The following SORCS2 variants were observed in gnomAD, a reference collection of about 807,000 sequenced individuals.
SORCS2 encodes VPS10 domain-containing receptor SorCS2.
In SORCS2, 100 loss-of-function variants were observed where a neutral mutation model predicts 141.6. The observed-to-expected ratio is 0.71, with a 90% CI of 0.60 to 0.83. The LOEUF is 0.83. Ranked by LOEUF, SORCS2 falls within the 40% of genes least tolerant of loss-of-function variation. The pLI, the probability that SORCS2 is intolerant of heterozygous loss-of-function variation, is 0.00. For missense variants in SORCS2, 1,646 were observed against 1,560.2 expected (o/e 1.05, Z -0.93); for synonymous variants, 789 against 676.9 (o/e 1.17, Z -2.57).
intron 1 of SORCS2, among the ~76,000 whole-genome samples, chr4:7,200,815 C>T (rs1727445028): frequency 6.6e-6 from 1 of 152,182 alleles, no homozygotes; most frequent in African/African-American, 2.4e-5. Context: ...TGGGGCCACA[C>T]ACTCCATGGA....
chr4:7,484,146 T>C (rs1730829555), intron 2 of SORCS2, among the ~76,000 whole-genome samples: 1 of 152,210 alleles, frequency 6.6e-6, no homozygotes, highest in African/African-American at 2.4e-5. Context: ...AGCTTAAAGT[T>C]ATCCATCCCA....
intron 18 of SORCS2, among the ~76,000 whole-genome samples, chr4:7,721,266 A>G (rs543116640): frequency 6.6e-6 from 1 of 152,278 alleles, no homozygotes; most frequent in African/African-American, 2.4e-5. Context: ...GGAGTTCGAG[A>G]CCAGCCTGGC....
intron 1 of SORCS2, among the ~76,000 whole-genome samples, chr4:7,350,071 T>C (rs1720850304): frequency 6.6e-6 from 1 of 152,234 alleles, no homozygotes; most frequent in African/African-American, 2.4e-5. Flanking sequence ...TGTCCAATGC[T>C]AGCCAAAGTC....
At chr4:7,594,007 T>C (rs1015282540) in intron 3 of SORCS2, among the ~76,000 whole-genome samples, 2 of 152,224 alleles carry the variant, frequency 1.3e-5, no homozygotes, top group East Asian at 1.9e-4. Flanking sequence ...AGTTAGTTCA[T>C]TTATTGAGCC....
Position 7,531,646 on chromosome 4 carries a change from G to A in SORCS2, c.648+17G>A. ...AAGAGGAAGGTAGGTGCTGGCTGGGGGTGGCCGCCACTCTGGCTCTCGCCT... is the reference window on the plus strand; with the variant it reads ...AAGAGGAAGGTAGGTGCTGGCTGGGAGTGGCCGCCACTCTGGCTCTCGCCT... On this transcript the variant is annotated intron_variant, in intron 3 of 26. Coordinates refer to ENST00000507866, the MANE Select transcript of SORCS2 (RefSeq NM_020777.3). 1 of 1,608,360 alleles carries A rather than the reference G, an allele frequency of 6.2e-7. No individual in the cohort carries two copies. The highest frequency in any genetic ancestry group is 8.5e-7 in the Non-Finnish European group (1 of 1,176,450).
intron 2 of SORCS2, among the ~76,000 whole-genome samples, chr4:7,402,902 T>C (rs138994026): frequency 1.1e-3 from 169 of 152,156 alleles, no homozygotes; most frequent in South Asian, 6.3e-3. Flanking sequence ...TCTTTTTACA[T>C]TGGGTTGCTT....
chr4:7,259,271 A>G (rs1471633629), intron 1 of SORCS2, among the ~76,000 whole-genome samples: 2 of 152,182 alleles, frequency 1.3e-5, no homozygotes, highest in Non-Finnish European at 2.9e-5. Flanking sequence ...AAGTGATGCA[A>G]TCATCCTCAT....
chr4:7,211,961 C>A (rs1728085373), intron 1 of SORCS2, among the ~76,000 whole-genome samples: 2 of 152,194 alleles, frequency 1.3e-5, no homozygotes, highest in Non-Finnish European at 1.5e-5. Flanking sequence ...GTGTCTGTTT[C>A]TGCATAATTC....
intron 1 of SORCS2, among the ~76,000 whole-genome samples, chr4:7,211,876 C>T (rs1448806896): frequency 1.3e-5 from 2 of 152,208 alleles, no homozygotes; most frequent in East Asian, 3.9e-4. Flanking sequence ...ATCCCTTTTA[C>T]TCTCTCCCCA....
intron 1 of SORCS2, among the ~76,000 whole-genome samples, chr4:7,267,369 A>G (rs1468986289): frequency 1.3e-5 from 2 of 152,194 alleles, no homozygotes; most frequent in Non-Finnish European, 2.9e-5. Context: ...GTGGTAGAGT[A>G]AGGACTTGCC....
intron 3 of SORCS2, among the ~76,000 whole-genome samples, chr4:7,595,297 T>A (rs1366304617): frequency 6.6e-6 from 1 of 152,134 alleles, no homozygotes; most frequent in Non-Finnish European, 1.5e-5. Flanking sequence ...TCGAAGCACA[T>A]CTGTGTTCAC....
rs1724822606 is a variant in SORCS2, at chr4:7,404,269, A to G, written c.548+7914A>G. On this transcript the variant is annotated intron_variant, in intron 2 of 26. Coordinates refer to ENST00000507866, the MANE Select transcript of SORCS2 (RefSeq NM_020777.3). ...ATTGATAGACACTTGAGTTGATTCC[A>G]CATCTTTTCTATTGTGAATAGTGCT... Among the ~76,000 whole-genome samples the G allele has an allele frequency of 1.3e-5, 2 of 152,040 alleles. 1 individual carries two copies. Among genetic ancestry groups the G allele is most frequent in the South Asian group, 4.1e-4 (2 of 4,824 alleles).
chr4:7,238,864 G>A (rs1362561409), intron 1 of SORCS2, among the ~76,000 whole-genome samples: 10 of 152,144 alleles, frequency 6.6e-5, no homozygotes, highest in Non-Finnish European at 1.3e-4. Context: ...GGTCTGTCCC[G>A]GCCATGTGGC....
At chr4:7,510,344 G>T (rs1732544451) in intron 2 of SORCS2, among the ~76,000 whole-genome samples, 1 of 152,234 alleles carries the variant, frequency 6.6e-6, no homozygotes, top group African/African-American at 2.4e-5. Flanking sequence ...GGGCAGCCTT[G>T]TCCGTGTGGT....
At chr4:7,208,233 G>A (rs536267603) in intron 1 of SORCS2, among the ~76,000 whole-genome samples, 28 of 152,276 alleles carry the variant, frequency 1.8e-4, no homozygotes, top group Admixed American at 4.6e-4. Flanking sequence ...TCTGAGCTGG[G>A]GCAGGTGGGG....
Position 7,286,042 on chromosome 4 carries a change from G to C in SORCS2, c.480+92916G>C, listed in dbSNP as rs564528195. The stretch of plus-strand genomic sequence containing the variant: ...TGCCGAGAGCCAGCTGCCCCGCCGG[G>C]GGCTCCCTGCCTGCCTCCCATCCAT... On this transcript the variant is annotated intron_variant, in intron 1 of 26. Transcript: ENST00000507866. The surrounding 1 kb of genome is among the most constrained non-coding windows in gnomAD (Gnocchi z 4.1). Among the ~76,000 whole-genome samples, 1 of 152,312 alleles carries C rather than the reference G, an allele frequency of 6.6e-6. No homozygotes were observed. The highest frequency in any genetic ancestry group is 2.4e-5 in the African/African-American group (1 of 41,564).
intron 2 of SORCS2, among the ~76,000 whole-genome samples, chr4:7,484,588 G>C (rs12509893): frequency 0.29 from 44,045 of 151,958 alleles, 8,477 homozygotes; most frequent in African/African-American, 0.56. Flanking sequence ...ACCAGGAACA[G>C]GAAGGCCTCT....
chr4:7,380,521 T>C (rs1722921938), intron 1 of SORCS2, among the ~76,000 whole-genome samples: 1 of 152,190 alleles, frequency 6.6e-6, no homozygotes, highest in Non-Finnish European at 1.5e-5. Context: ...GGTAGTTCTG[T>C]TGCTGAGGAG....
rs565933029 is a variant in SORCS2, at chr4:7,734,445, T to G, written c.3311+71T>G. 9.7e-4 allele frequency: 1,070 copies of G among 1,097,746 alleles called. 1 individual carries two copies. The highest frequency in any genetic ancestry group is 1.4e-3 in the Admixed American group (48 of 35,062). 68.0% of individuals were successfully genotyped at this position (1,097,746 alleles called of 1,614,324 possible). A position where few individuals can be genotyped will look rare whatever the true frequency, so the allele number is the denominator to read the frequency against. On this transcript the variant is annotated intron_variant, in intron 25 of 26. Transcript: ENST00000507866. ...CCGTAGGAAGCCAGGCCCAACTCAC[T>G]CAGGCAGATCTAGAAAGGGCCCCAG...
Sources: allele counts gnomAD v4.1 joint callset (sites outside exome capture counted in the v4.1 genomes callset), GRCh38; gene constraint gnomAD v4.1.1; non-coding constraint Gnocchi (gnomAD v3.1); transcripts MANE v1.5; gene names NCBI Gene and HGNC (gene_info 2026-07-23, HGNC 2026-07-21).